RARB: variants seen among roughly 807,000 people sequenced by gnomAD.
RARB encodes the protein HBV-activated protein.
In RARB, 17 loss-of-function variants were observed where a neutral mutation model predicts 51.9. The ratio of observed to expected loss-of-function variants is 0.33; its 90% CI spans 0.22 to 0.49. The LOEUF (loss-of-function observed/expected upper bound fraction) is 0.49, where lower values mean the gene tolerates loss of function less well. RARB is among the 20% of genes least tolerant of loss of function. The pLI is 0.99. For synonymous variants in RARB, 215 were observed against 195.4 expected (o/e 1.10, Z -0.84); for missense variants, 369 against 550.8 (o/e 0.67, Z 3.30).
intron 2 of RARB, among the ~76,000 whole-genome samples, chr3:24,985,811 T>TGA (rs1696781261): frequency 6.6e-6 from 1 of 152,250 alleles, no homozygotes; most frequent in Non-Finnish European, 1.5e-5. Context: ...GTCACTGCGC[T>TGA]GAGGCCTGTG....
chr3:25,246,261 G>C (rs2125399060), intron 5 of RARB, among the ~76,000 whole-genome samples: 1 of 152,170 alleles, frequency 6.6e-6, no homozygotes, highest in African/African-American at 2.4e-5. Context: ...CATTGGATTA[G>C]AACATGCTCC....
chr3:25,284,823 G>C (rs983984455), intron 5 of RARB, among the ~76,000 whole-genome samples: 3 of 152,320 alleles, frequency 2.0e-5, no homozygotes, highest in African/African-American at 7.2e-5. Context: ...GGATGCCAAA[G>C]CTAGGTACAC....
chr3:25,345,238 T>TTTTG lies in RARB; in HGVS notation c.179-115939_179-115936dup, dbSNP rs751633480. ...CTCTGGAGGTTTTTTGGTTTGGGTT[T>TTTTG]TTTGTTTGTTTGTTTGTTTTTTCCA... On this transcript the variant is annotated intron_variant, in intron 5 of 11. Coordinates refer to the RARB transcript ENST00000383772. 3.9e-5 allele frequency among the ~76,000 whole-genome samples: 6 copies of TTTTG among 152,272 alleles called. No homozygotes were observed. In the East Asian group the frequency reaches 7.7e-4, roughly 20 times the overall value.
rs1699197152 is a variant in RARB, at chr3:25,091,438, C to T, written c.-328+31262C>T. Among the ~76,000 whole-genome samples, 2 of 152,178 alleles carry T rather than the reference C, an allele frequency of 1.3e-5. 1 individual carries two copies. The highest frequency in any genetic ancestry group is 2.9e-5 in the Non-Finnish European group (2 of 68,028). On this transcript the variant is annotated intron_variant, in intron 3 of 11. Transcript: ENST00000383772. ...AAAGTGCAGAGAAGCTGTGATTTAC[C>T]TTTCCTAGGAAATAGCGGCTTCTGA...
chr3:25,556,717 T>C (rs1461235167), intron 3 of RARB, among the ~76,000 whole-genome samples: 3 of 152,120 alleles, frequency 2.0e-5, no homozygotes, highest in African/African-American at 7.2e-5. Context: ...TGAGAATGTA[T>C]GTCATGCACT....
intron 2 of RARB, among the ~76,000 whole-genome samples, chr3:25,038,798 T>C (rs1698056013): frequency 1.3e-5 from 2 of 152,180 alleles, no homozygotes; most frequent in African/African-American, 4.8e-5. Context: ...TTGAGATTTA[T>C]TAACTACCAC....
chr3:25,592,232 A>G (rs1183516455), intron 5 of RARB, among the ~76,000 whole-genome samples: 1 of 152,194 alleles, frequency 6.6e-6, no homozygotes, highest in Non-Finnish European at 1.5e-5. Context: ...TTCTGATCAC[A>G]TCTGCCCTCC....
At chr3:25,304,143 A>G (rs1704103490) in intron 5 of RARB, among the ~76,000 whole-genome samples, 1 of 151,964 alleles carries the variant, frequency 6.6e-6, no homozygotes, top group African/African-American at 2.4e-5. Context: ...AAGCATCCAC[A>G]CTCCCATTCC....
At chr3:25,241,639 A>T (rs1702433587) in intron 5 of RARB, among the ~76,000 whole-genome samples, 1 of 152,236 alleles carries the variant, frequency 6.6e-6, no homozygotes, top group African/African-American at 2.4e-5. Flanking sequence ...TGCAAAGGAC[A>T]TGAACTCATT....
In RARB at chr3:24,870,768, C is replaced by T. The variant is rs1449366926; in HGVS notation, c.-380+12016C>T. 3.3e-5 allele frequency among the ~76,000 whole-genome samples: 5 copies of T among 151,994 alleles called. No homozygotes were observed. The East Asian group carries it at 9.7e-4, about 29-fold the overall frequency. ...ACTTAAAATATGTGTACATAATAGG[C>T]ACATATATTTATAGGATGCGTGCAA... is the stretch of plus-strand genomic sequence containing the variant. On this transcript the variant is annotated intron_variant, in intron 2 of 11. Coordinates refer to the RARB transcript ENST00000383772.
intron 5 of RARB, among the ~76,000 whole-genome samples, chr3:25,283,668 C>G (rs1278800532): frequency 1.3e-5 from 2 of 152,216 alleles, no homozygotes; most frequent in South Asian, 2.1e-4. Context: ...AAATTTTAAG[C>G]TGCAGATCAA....
In RARB at chr3:25,275,460, C is replaced by CA. The variant is rs1053715929; in HGVS notation, c.178+100891dup. ...TAGGTGACAGAGCAAGACCTGGTCT[C>CA]AAAAAACAAAACAAACTCAGGTCTG... is the stretch of plus-strand genomic sequence containing the variant. On this transcript the variant is annotated intron_variant, in intron 5 of 11. Transcript: ENST00000383772. Among the ~76,000 whole-genome samples, 106 of 152,110 alleles carry CA rather than the reference C, an allele frequency of 7.0e-4. 1 individual carries two copies. Among genetic ancestry groups the CA allele is most frequent in the Non-Finnish European group, 1.9e-4 (13 of 68,008 alleles).
chr3:24,880,247 A>C (rs1460813132), intron 2 of RARB, among the ~76,000 whole-genome samples: 2 of 151,914 alleles, frequency 1.3e-5, no homozygotes, highest in Non-Finnish European at 2.9e-5. Flanking sequence ...TGGCTATCAG[A>C]CATTTGGGGA....
intron 2 of RARB, among the ~76,000 whole-genome samples, chr3:24,949,161 G>A (rs948431864): frequency 2.0e-4 from 30 of 152,092 alleles, no homozygotes; most frequent in Admixed American, 5.2e-4. Flanking sequence ...CCTACTCCCC[G>A]TCTTTTAGAA....
chr3:25,555,216 C>G (rs1432375160), intron 3 of RARB, among the ~76,000 whole-genome samples: 3 of 152,184 alleles, frequency 2.0e-5, no homozygotes, highest in African/African-American at 7.2e-5. Flanking sequence ...TCAATACATG[C>G]AATAGTTTCT....
At chr3:24,907,475 A>G (rs1282763453) in intron 2 of RARB, among the ~76,000 whole-genome samples, 1 of 152,104 alleles carries the variant, frequency 6.6e-6, no homozygotes, top group South Asian at 2.1e-4. Flanking sequence ...TTAAAAAGGA[A>G]TTATTAGGTG....
intron 3 of RARB, among the ~76,000 whole-genome samples, chr3:25,501,596 G>A (rs1697319558): frequency 6.6e-6 from 1 of 152,210 alleles, no homozygotes; most frequent in South Asian, 2.1e-4. Context: ...GCCATTAGCA[G>A]TAACTCAAGC....
intron 1 of RARB, among the ~76,000 whole-genome samples, chr3:25,440,182 G>T (rs571579455): frequency 6.6e-6 from 1 of 152,100 alleles, no homozygotes; most frequent in Non-Finnish European, 1.5e-5. Flanking sequence ...CTTGCATGGC[G>T]ACTCATACCG....
chr3:25,337,212 C>G (rs76789477), intron 5 of RARB, among the ~76,000 whole-genome samples: 2,617 of 152,110 alleles, frequency 0.017, 76 homozygotes, highest in African/African-American at 0.06. Flanking sequence ...TCTTACCAAC[C>G]CCCACCCCCA....
Sources: gnomAD v4.1 joint callset for allele counts (sites outside exome capture counted in the v4.1 genomes callset) on GRCh38, gnomAD v4.1.1 for gene constraint, MANE v1.5 for transcripts, NCBI Gene and HGNC (gene_info 2026-07-23, HGNC 2026-07-21) for gene names.